CTNND2: variants seen among roughly 807,000 people sequenced by gnomAD.
The protein encoded by CTNND2 is catenin delta 2.
CTNND2 carries 22 observed loss-of-function variants against 144.4 expected under a neutral mutation model. The ratio of observed to expected loss-of-function variants is 0.15; its 90% CI spans 0.11 to 0.22. The LOEUF (loss-of-function observed/expected upper bound fraction) is 0.22, where lower values mean the gene tolerates loss of function less well. Among genes scored for constraint, CTNND2 ranks in the 10% least tolerant of loss-of-function variants. CTNND2 has a pLI of 1.00. For synonymous variants in CTNND2, 751 were observed against 695.6 expected (o/e 1.08, Z -1.25); for missense variants, 1,353 against 1,618.8 (o/e 0.84, Z 2.82).
At chr5:11,715,290 A>G (rs1424769120) in intron 2 of CTNND2, among the ~76,000 whole-genome samples, 2 of 152,204 alleles carry the variant, frequency 1.3e-5, no homozygotes, top group Non-Finnish European at 2.9e-5. Flanking sequence ...GAAATCACGA[A>G]GCATTACATC....
intron 20 of CTNND2, among the ~76,000 whole-genome samples, chr5:10,984,488 G>C (rs1579947734): frequency 6.6e-6 from 1 of 152,024 alleles, no homozygotes; most frequent in East Asian, 1.9e-4. Flanking sequence ...ATCATAAACA[G>C]ACACTGAGAC....
intron 18 of CTNND2, among the ~76,000 whole-genome samples, chr5:10,999,097 G>T (rs966852907): frequency 6.6e-6 from 1 of 152,080 alleles, no homozygotes; most frequent in African/African-American, 2.4e-5. Flanking sequence ...ATCTTTTATT[G>T]TATAAAATCT....
chr5:11,812,678 T>G (rs59128328), intron 1 of CTNND2, among the ~76,000 whole-genome samples: 16,106 of 152,112 alleles, frequency 0.11, 2,047 homozygotes, highest in African/African-American at 0.3. Flanking sequence ...GTTTGATGAT[T>G]AAAGAAAAAA....
intron 9 of CTNND2, among the ~76,000 whole-genome samples, chr5:11,301,764 C>T (rs1389146546): frequency 1.3e-5 from 2 of 152,234 alleles, no homozygotes; most frequent in Admixed American, 6.5e-5. Flanking sequence ...TCACATACTA[C>T]ATTTCGATCA....
At chr5:11,240,227 ACACACACACC>A (rs1742113324) in intron 9 of CTNND2, among the ~76,000 whole-genome samples, 2 of 133,932 alleles carry the variant, frequency 1.5e-5, no homozygotes, top group Admixed American at 8.0e-5. Context: ...CACACCCAAC[ACACACACACC>A]AACACACACA....
intron 16 of CTNND2, among the ~76,000 whole-genome samples, chr5:11,043,309 T>C (rs1001828089): frequency 6.6e-6 from 1 of 152,230 alleles, no homozygotes; most frequent in African/African-American, 2.4e-5. Flanking sequence ...GACTGTATGT[T>C]TGTTAGTTAA....
At chr5:11,501,545 A>G (rs1480292857) in intron 3 of CTNND2, among the ~76,000 whole-genome samples, 1 of 152,222 alleles carries the variant, frequency 6.6e-6, no homozygotes, top group Non-Finnish European at 1.5e-5. Flanking sequence ...TGTTAGTGCA[A>G]TCCAATTCAA....
intron 7 of CTNND2, among the ~76,000 whole-genome samples, chr5:11,377,465 T>G (rs1327309379): frequency 2.0e-5 from 3 of 152,170 alleles, no homozygotes; most frequent in Non-Finnish European, 4.4e-5. Context: ...GGATGCCATC[T>G]TGAACAATTA....
intron 2 of CTNND2, among the ~76,000 whole-genome samples, chr5:11,681,835 C>A (rs933325197): frequency 1.3e-5 from 2 of 152,220 alleles, no homozygotes; most frequent in Non-Finnish European, 2.9e-5. Flanking sequence ...TGAAAATCTA[C>A]TGACCTATCA....
intron 3 of CTNND2, among the ~76,000 whole-genome samples, chr5:11,470,976 A>ATATATATATATG (rs1767151946): frequency 5.3e-5 from 5 of 95,186 alleles, no homozygotes; most frequent in Admixed American, 9.7e-5. Flanking sequence ...ATATATATAT[A>ATATATATATATG]TATATTTTTT....
At chr5:11,460,517 T>C (rs193030841) in intron 3 of CTNND2, among the ~76,000 whole-genome samples, 7 of 152,316 alleles carry the variant, frequency 4.6e-5, no homozygotes, top group Non-Finnish European at 1.5e-5. Flanking sequence ...TGTTCTCTAC[T>C]ATGCTGTCCC....
At position 11,082,850 on chromosome 5, in the gene CTNND2, C is replaced by A. The variant is rs1749731476; in HGVS notation, c.2638-4G>T. The A allele has an allele frequency of 6.2e-7, 1 of 1,612,708 alleles. No individual in the cohort carries two copies. The highest frequency in any genetic ancestry group is 1.7e-5 in the Admixed American group (1 of 59,692). On this transcript the variant is annotated splice_region_variant and splice_polypyrimidine_tract_variant and intron_variant, in intron 15 of 21. Coordinates refer to ENST00000304623, the MANE Select transcript of CTNND2 (RefSeq NM_001332.4). The stretch of plus-strand genomic sequence containing the variant: ...CGGCTCGGATATATACTGACCACTG[C>A]AAAAACAGGGAAGGCGAAGGGCGTT...
At chr5:11,694,838 A>T (rs906885158) in intron 2 of CTNND2, among the ~76,000 whole-genome samples, 6 of 152,228 alleles carry the variant, frequency 3.9e-5, no homozygotes, top group African/African-American at 1.4e-4. Context: ...GTACGTGCTG[A>T]AAAGAAAAAA....
At chr5:11,234,919 T>G (rs1405908101) in intron 10 of CTNND2, among the ~76,000 whole-genome samples, 1 of 152,230 alleles carries the variant, frequency 6.6e-6, no homozygotes, top group Non-Finnish European at 1.5e-5. Context: ...CCAGTCTGCA[T>G]GTGAGAACCC....
intron 2 of CTNND2, among the ~76,000 whole-genome samples, chr5:11,636,563 T>C (rs1781714538): frequency 6.6e-6 from 1 of 152,168 alleles, no homozygotes; most frequent in South Asian, 2.1e-4. Flanking sequence ...GAAGTGAGCA[T>C]TTCTATCCCC....
chr5:11,050,462 C>T (rs900322539), intron 16 of CTNND2, among the ~76,000 whole-genome samples: 1 of 152,116 alleles, frequency 6.6e-6, no homozygotes, highest in Non-Finnish European at 1.5e-5. Flanking sequence ...CTCAAAATTA[C>T]CTGGCTATAT....
At chr5:11,136,033 G>A (rs10078041) in intron 12 of CTNND2, among the ~76,000 whole-genome samples, 3,140 of 152,306 alleles carry the variant, frequency 0.021, 103 homozygotes, top group African/African-American at 0.072. Flanking sequence ...TGAATAGGAT[G>A]AGTGGCCTTA....
chr5:11,156,297 T>C (rs1758218185), intron 12 of CTNND2, among the ~76,000 whole-genome samples: 2 of 152,172 alleles, frequency 1.3e-5, no homozygotes, highest in African/African-American at 4.8e-5. Flanking sequence ...AGGTGACCTC[T>C]TTAAAAACAC....
intron 2 of CTNND2, among the ~76,000 whole-genome samples, chr5:11,713,583 CAA>C (rs1165519277): frequency 0.019 from 1,121 of 57,760 alleles, 6 homozygotes; most frequent in African/African-American, 0.054. Flanking sequence ...GACTCCATCT[CAA>C]AAAAAAAAAA....
Sources: allele counts gnomAD v4.1 joint callset (sites outside exome capture counted in the v4.1 genomes callset), GRCh38; gene constraint gnomAD v4.1.1; transcripts MANE v1.5; gene names NCBI Gene and HGNC (gene_info 2026-07-23, HGNC 2026-07-21).